Variants in TEK observed in about 807,000 individuals in gnomAD.
The protein encoded by TEK is TEK receptor tyrosine kinase.
Under a neutral mutation model 131.8 loss-of-function variants are expected in TEK, and 43 were observed. The observed-to-expected ratio is 0.33, with a 90% CI of 0.26 to 0.42. TEK has a LOEUF of 0.42. Among genes scored for constraint, TEK ranks in the 10% least tolerant of loss-of-function variants. TEK has a pLI of 1.00. For missense variants in TEK, 1,162 were observed against 1,384.4 expected (o/e 0.84, Z 2.55); for synonymous variants, 580 against 491.6 (o/e 1.18, Z -2.38).
At chr9:27,211,129 AT>A (rs762108266) in intron 16 of TEK, among the ~76,000 whole-genome samples, 57 of 105,960 alleles carry the variant, frequency 5.4e-4, no homozygotes, top group African/African-American at 9.5e-4. Context: ...TTAAAAAAAA[AT>A]ATATATATAT....
rs566460187 is a variant in TEK, at chr9:27,141,349, G to T, written c.53-16482G>T. 4.6e-5 allele frequency among the ~76,000 whole-genome samples: 7 copies of T among 152,142 alleles called. No individual in the cohort carries two copies. The East Asian group carries it at 9.6e-4, about 21-fold the overall frequency. On this transcript the variant is annotated intron_variant, in intron 1 of 22. Coordinates refer to ENST00000380036, the MANE Select transcript of TEK (RefSeq NM_000459.5). ...GGCCACCTTCAAGTTTTTCAAAAGT[G>T]TTATTTAACCTGTACTTCTCTATTT...
rs112801403 is a variant in TEK, at chr9:27,229,237, G to A, written c.*5G>A. 6.6e-4 allele frequency: 1,065 copies of A among 1,613,674 alleles called. 7 individuals are homozygous for A. The African/African-American group carries it at 0.013, about 20-fold the overall frequency. Reference sequence around the variant, plus strand: ...TCTGCTGAAGAAGCGGCCTAGGACAGAACATCTGTATACCCTCTGTTTCCC... The same window carrying A: ...TCTGCTGAAGAAGCGGCCTAGGACAAAACATCTGTATACCCTCTGTTTCCC... On this transcript the variant is annotated 3_prime_UTR_variant, in exon 23 of 23. Coordinates refer to ENST00000380036, the MANE Select transcript of TEK (RefSeq NM_000459.5).
intron 15 of TEK, 41 bp from the exon 16 acceptor site, chr9:27,209,080 G>C (rs199542508): frequency 3.5e-6 from 5 of 1,408,784 alleles, no homozygotes; most frequent in East Asian, 4.6e-5. Flanking sequence ...TTCTGAAAAG[G>C]TGTAACAAAG....
intron 10 of TEK, chr9:27,192,010 T>G (rs1283133843): frequency 4.4e-6 from 2 of 450,314 alleles, no homozygotes; most frequent in Non-Finnish European, 8.9e-6. Flanking sequence ...GGGTGCTATT[T>G]TCAAGGACTT....
chr9:27,206,535 A>G, intron 14 of TEK, 47 bp from the exon 15 acceptor site: 1 of 1,580,748 alleles, frequency 6.3e-7, no homozygotes, highest in Non-Finnish European at 8.6e-7. Flanking sequence ...GCCCCTTAGA[A>G]TTATGAAAAA....
intron 21 of TEK, among the ~76,000 whole-genome samples, chr9:27,225,711 G>A (rs1826295682): frequency 6.6e-6 from 1 of 152,100 alleles, no homozygotes; most frequent in African/African-American, 2.4e-5. Context: ...CAAAAGCGAT[G>A]GCAACAAAAG....
chr9:27,138,240 T>C (rs1822577635), intron 1 of TEK, among the ~76,000 whole-genome samples: 1 of 152,200 alleles, frequency 6.6e-6, no homozygotes, highest in Admixed American at 6.5e-5. Flanking sequence ...TCTGAGCGGG[T>C]TGCCGCTGCT....
At chr9:27,137,691 C>T (rs970632779) in intron 1 of TEK, among the ~76,000 whole-genome samples, 1 of 147,228 alleles carries the variant, frequency 6.8e-6, no homozygotes, top group Admixed American at 6.8e-5. Context: ...AGATTTACTT[C>T]GTTTTACTCT....
intron 1 of TEK, among the ~76,000 whole-genome samples, chr9:27,117,490 A>G (rs926129470): frequency 4.0e-5 from 6 of 150,668 alleles, no homozygotes; most frequent in African/African-American, 1.5e-4. Flanking sequence ...CCCCACCCCC[A>G]TTGTCCCCTT....
chr9:27,138,524 A>G (rs181577475), intron 1 of TEK, among the ~76,000 whole-genome samples: 135 of 152,280 alleles, frequency 8.9e-4, no homozygotes, highest in African/African-American at 3.0e-3. Flanking sequence ...CTAGACAGAA[A>G]AGTTCTCCAA....
rs367781362 is a variant in TEK at position 27,140,083 on chromosome 9, A to G, written c.53-17748A>G. Among the ~76,000 whole-genome samples, 29 of 152,306 alleles carry G rather than the reference A, an allele frequency of 1.9e-4. No individual in the cohort carries two copies. The East Asian group carries it at 5.0e-3, about 26-fold the overall frequency. ...GGTGCTCAGATCAGTGTCCATTTTA[A>G]TCGGTTGGTCCAGGTTGAATTTCAC... On this transcript the variant is annotated intron_variant, in intron 1 of 22. Transcript: ENST00000380036.
At chr9:27,211,603 G>C (rs1286047239) in intron 16 of TEK, among the ~76,000 whole-genome samples, 1 of 151,954 alleles carries the variant, frequency 6.6e-6, no homozygotes, top group Non-Finnish European at 1.5e-5. Context: ...TGGGACTACA[G>C]GGATGCACCA....
chr9:27,115,500 A>G (rs1821515953), intron 1 of TEK, among the ~76,000 whole-genome samples: 1 of 147,972 alleles, frequency 6.8e-6, no homozygotes, highest in Non-Finnish European at 1.5e-5. Flanking sequence ...CATTGTCTCA[A>G]AAAAAACAAC....
chr9:27,168,706 T>TAAATTAAATTAAATC, intron 3 of TEK, 101 bp downstream of exon 3: 1 of 900,440 alleles, frequency 1.1e-6, no homozygotes, highest in Non-Finnish European at 1.8e-6. Context: ...GGGCAGATGT[T>TAAATTAAATTAAATC]TGAATTAAAG....
At chr9:27,153,413 G>T (rs993231939) in intron 1 of TEK, among the ~76,000 whole-genome samples, 1 of 152,196 alleles carries the variant, frequency 6.6e-6, no homozygotes, top group African/African-American at 2.4e-5. Flanking sequence ...TCGCACCATT[G>T]TACTCCAGCC....
intron 7 of TEK, among the ~76,000 whole-genome samples, chr9:27,182,387 A>G (rs756281193): frequency 1.3e-5 from 2 of 152,222 alleles, no homozygotes; most frequent in African/African-American, 2.4e-5. Context: ...CTATTCAAAT[A>G]GCTACTTAGG....
intron 21 of TEK, among the ~76,000 whole-genome samples, chr9:27,227,447 A>C (rs775562083): frequency 6.6e-6 from 1 of 152,222 alleles, no homozygotes; most frequent in Non-Finnish European, 1.5e-5. Context: ...GGCTGCTGTA[A>C]CAACATACCA....
intron 1 of TEK, among the ~76,000 whole-genome samples, chr9:27,150,308 T>C (rs113438424): frequency 0.011 from 1,731 of 152,270 alleles, 45 homozygotes; most frequent in African/African-American, 0.04. Flanking sequence ...GATTGCCTGT[T>C]ATAAAGTGTA....
chr9:27,152,331 G>A (rs908671284), intron 1 of TEK, among the ~76,000 whole-genome samples: 2 of 151,760 alleles, frequency 1.3e-5, no homozygotes, highest in Admixed American at 6.6e-5. Context: ...TTGTCTCCTA[G>A]CTTGCCAACA....
Sources: allele counts gnomAD v4.1 joint callset (sites outside exome capture counted in the v4.1 genomes callset), GRCh38; gene constraint gnomAD v4.1.1; transcripts MANE v1.5; gene names NCBI Gene and HGNC (gene_info 2026-07-23, HGNC 2026-07-21).